ITIH5: variants seen among roughly 807,000 people sequenced by gnomAD.
ITIH5 encodes inter-alpha-trypsin inhibitor heavy chain 5.
In ITIH5, 65 loss-of-function variants were observed where a neutral mutation model predicts 77.5. The observed-to-expected ratio is 0.84, with a 90% CI of 0.69 to 1.03. The LOEUF is 1.03. Ranked by LOEUF, ITIH5 falls within the 50% of genes least tolerant of loss-of-function variation. The probability of loss-of-function intolerance (pLI) is 0.00; values close to 1 mark genes in which losing one functional copy is unlikely to be tolerated. For synonymous variants in ITIH5, 525 were observed against 494.3 expected (o/e 1.06, Z -0.82); for missense variants, 1,208 against 1,213.1 (o/e 1.00, Z 0.06).
intron 1 of ITIH5, among the ~76,000 whole-genome samples, chr10:7,658,543 CGT>C (rs1192791497): frequency 6.6e-6 from 1 of 152,130 alleles, no homozygotes; most frequent in Non-Finnish European, 1.5e-5. Flanking sequence ...CCAGAGAATA[CGT>C]GCCCAGGGTG....
At chr10:7,594,246 T>C (rs750571221) in intron 7 of ITIH5, among the ~76,000 whole-genome samples, 8 of 152,128 alleles carry the variant, frequency 5.3e-5, no homozygotes, top group Admixed American at 1.3e-4. Context: ...TGCATGATCA[T>C]GGCTAGGAAG....
At chr10:7,600,539 G>A (rs768006959) in intron 7 of ITIH5, 2 of 456,732 alleles carry the variant, frequency 4.4e-6, no homozygotes, top group Admixed American at 4.7e-5. Flanking sequence ...CTTGGCCTTT[G>A]CCTTCCCTTT....
chr10:7,628,621 G>GATGTGTCCATGTTGTACC (rs1256665909), intron 5 of ITIH5, among the ~76,000 whole-genome samples: 1 of 109,264 alleles, frequency 9.2e-6, no homozygotes, highest in Non-Finnish European at 2.4e-5. Context: ...CATGTTATGG[G>GATGTGTCCATGTTGTACC]ATGTGTCCAT....
intron 5 of ITIH5, among the ~76,000 whole-genome samples, chr10:7,626,944 A>G (rs1833589267): frequency 6.6e-6 from 1 of 152,196 alleles, no homozygotes; most frequent in East Asian, 1.9e-4. Flanking sequence ...TAAGCCAAGA[A>G]AGTGCTGAAA....
intron 2 of ITIH5, among the ~76,000 whole-genome samples, chr10:7,642,352 G>A (rs1833904007): frequency 6.6e-6 from 1 of 152,128 alleles, no homozygotes; most frequent in South Asian, 2.1e-4. Flanking sequence ...AGTGAACACA[G>A]TGAAGACGTC....
intron 7 of ITIH5, among the ~76,000 whole-genome samples, chr10:7,595,063 T>C (rs1832867893): frequency 6.6e-6 from 1 of 151,974 alleles, no homozygotes; most frequent in Non-Finnish European, 1.5e-5. Flanking sequence ...TCAGAAGAGA[T>C]CTTTTAAAAA....
intron 2 of ITIH5, among the ~76,000 whole-genome samples, chr10:7,643,359 C>T (rs144582439): frequency 2.6e-5 from 4 of 152,270 alleles, no homozygotes; most frequent in East Asian, 3.9e-4. Context: ...TGAAGACATA[C>T]GCAGTAGGTG....
rs1834312745 is a variant in ITIH5, at chr10:7,663,522, A to G, written c.90+3281T>C. 2.0e-5 allele frequency among the ~76,000 whole-genome samples: 3 copies of G among 152,334 alleles called. No homozygotes were observed. In the South Asian group the frequency reaches 6.2e-4, roughly 32 times the overall value. On this transcript the variant is annotated intron_variant, in intron 1 of 13. Transcript: ENST00000397146. ...GCGTGATGTTTGTGGTGCCTGTCAG[A>G]TTGTCAAAATGTGTAATTTGTTGTG...
intron 2 of ITIH5, among the ~76,000 whole-genome samples, chr10:7,644,681 T>C (rs538896346): frequency 7.1e-6 from 1 of 139,948 alleles, no homozygotes; most frequent in Non-Finnish European, 1.5e-5. Flanking sequence ...ATCACATATA[T>C]ATCATATATA....
chr10:7,664,105 A>T (rs1241664902), intron 1 of ITIH5, among the ~76,000 whole-genome samples: 1 of 152,226 alleles, frequency 6.6e-6, no homozygotes, highest in Non-Finnish European at 1.5e-5. Context: ...AAATACTACT[A>T]TTCAAAGTGT....
In ITIH5 at chr10:7,637,366, G is replaced by C; in HGVS notation, c.514C>G (p.His172Asp). Residue 172 changes from histidine (H) to aspartate (D), a missense_variant, in exon 5 of 14, where the codon CAC (histidine) becomes GAC (aspartate). By Grantham distance (81) the His-to-Asp change is moderately conservative. Transcript: ENST00000397146. ...LLQRRLGKYE[H>D]SISVRPQQLS... ...TGCTGGGGCCGCACGCTGATGCTGT[G>C]CTCGTACTTGCCCAGGCGCCTCTGC... 6.2e-7 allele frequency: 1 copy of C among 1,614,232 alleles called. No individual in the cohort carries two copies. The highest frequency in any genetic ancestry group is 8.5e-7 in the Non-Finnish European group (1 of 1,180,048).
chr10:7,666,770 G>T (rs1834368689), intron 1 of ITIH5, 33 bp downstream of exon 1: 4 of 1,575,184 alleles, frequency 2.5e-6, no homozygotes, highest in Non-Finnish European at 2.6e-6. Flanking sequence ...GGGCGGCCGC[G>T]CCCGGGACCC....
chr10:7,620,191 C>CAA lies in ITIH5; in HGVS notation c.653-2911_653-2910dup, dbSNP rs201289245. Reference sequence around the variant, plus strand: ...TCCATCCCACCACCCCCTACCCCCGCAAAAAAAAAAATAGAAGGAGCAATT... The same window carrying CAA: ...TCCATCCCACCACCCCCTACCCCCGCAAAAAAAAAAAAATAGAAGGAGCAATT... On this transcript the variant is annotated intron_variant, in intron 5 of 13. Transcript: ENST00000397146. The CAA allele has an allele frequency of 5.1e-3, 726 of 142,158 alleles. 6 individuals are homozygous for CAA. The highest frequency in any genetic ancestry group is 5.6e-3 in the African/African-American group (217 of 38,864). The allele number at this position is 142,158 out of a possible 1,614,324, so 8.8% of individuals were successfully genotyped here.
intron 4 of ITIH5, among the ~76,000 whole-genome samples, chr10:7,639,596 GGT>G (rs149135310): frequency 0.13 from 20,377 of 152,024 alleles, 1,535 homozygotes; most frequent in East Asian, 0.3. Context: ...AGGAAAACCG[GGT>G]TACCAGGTTC....
At position 7,562,919 on chromosome 10, in the gene ITIH5, A is replaced by C; in HGVS notation, c.*164T>G. 2 of 639,082 alleles carry C rather than the reference A, an allele frequency of 3.1e-6. No homozygotes were observed. The allele number at this position is 639,082 out of a possible 1,614,324, so 39.6% of individuals were successfully genotyped here. A position where few individuals can be genotyped will look rare whatever the true frequency, so the allele number is the denominator to read the frequency against. The stretch of plus-strand genomic sequence containing the variant: ...AGGCTTCCCGCCCCTACCCACCCCT[A>C]CCCTTCGCCCAGACAGACGTCGGAT... On this transcript the variant is annotated 3_prime_UTR_variant, in exon 14 of 14. Transcript: ENST00000397146.
At chr10:7,664,551 A>C (rs1834332177) in intron 1 of ITIH5, among the ~76,000 whole-genome samples, 1 of 152,164 alleles carries the variant, frequency 6.6e-6, no homozygotes, top group African/African-American at 2.4e-5. Context: ...TTTCCACCCC[A>C]AGGGTGAAAA....
At chr10:7,655,736 G>A (rs1834172098) in intron 1 of ITIH5, 61 bp from the exon 2 acceptor site, 1 of 1,269,508 alleles carries the variant, frequency 7.9e-7, no homozygotes, top group Admixed American at 1.7e-5. Context: ...CATGAAATAT[G>A]ATTGTGAGGT....
Position 7,628,828 on chromosome 10 carries a change from CGT to C in ITIH5, c.652+8398_652+8399del, listed in dbSNP as rs146408158. On this transcript the variant is annotated intron_variant, in intron 5 of 13. Coordinates refer to ENST00000397146, the MANE Select transcript of ITIH5 (RefSeq NM_030569.7). The stretch of plus-strand genomic sequence containing the variant: ...GTTTTTGCATGTGTCCATGTTGTAG[CGT>C]GTGTCCCTGTTGTAGCGTGTGTCCC... 3.8e-3 allele frequency among the ~76,000 whole-genome samples: 455 copies of C among 118,566 alleles called. 9 individuals are homozygous for C. The highest frequency in any genetic ancestry group is 7.2e-3 in the African/African-American group (231 of 32,288). The allele number at this position is 118,566 out of a possible 152,430, so 77.8% of individuals were successfully genotyped here. A position where few individuals can be genotyped will look rare whatever the true frequency, so the allele number is the denominator to read the frequency against.
intron 5 of ITIH5, among the ~76,000 whole-genome samples, chr10:7,629,491 T>C (rs1055904850): frequency 4.0e-4 from 53 of 132,768 alleles, no homozygotes; most frequent in African/African-American, 1.7e-3. Context: ...GTCCATGTTG[T>C]AGCGTGTGTC....
Sources: allele counts gnomAD v4.1 joint callset (sites outside exome capture counted in the v4.1 genomes callset), GRCh38; gene constraint gnomAD v4.1.1; transcripts MANE v1.5; gene names NCBI Gene and HGNC (gene_info 2026-07-23, HGNC 2026-07-21).